The following TRHDE variants were observed in gnomAD, a reference collection of about 807,000 sequenced individuals.
TRHDE encodes the protein thyrotropin releasing hormone degrading enzyme.
TRHDE carries 72 observed loss-of-function variants against 125.7 expected under a neutral mutation model. The ratio of observed to expected loss-of-function variants is 0.57; its 90% CI spans 0.47 to 0.70. The LOEUF is 0.70. Among genes scored for constraint, TRHDE ranks in the 30% least tolerant of loss-of-function variants. The pLI is 0.00. For missense variants in TRHDE, 1,110 were observed against 1,327.1 expected (o/e 0.84, Z 2.54); for synonymous variants, 509 against 509.1 (o/e 1.00, Z 0.00).
At chr12:72,625,816 C>T (rs1873235320) in intron 15 of TRHDE, among the ~76,000 whole-genome samples, 1 of 151,854 alleles carries the variant, frequency 6.6e-6, no homozygotes, top group South Asian at 2.1e-4. Flanking sequence ...GTATGTGGTT[C>T]TGTGGTATAT....
At chr12:72,536,987 A>C (rs113704836) in intron 6 of TRHDE, among the ~76,000 whole-genome samples, 1,995 of 152,068 alleles carry the variant, frequency 0.013, 42 homozygotes, top group African/African-American at 0.046. Context: ...CAGTCATGTA[A>C]ATATTTTGAA....
At chr12:72,233,944 A>C (rs889871180) in intron 2 of TRHDE, among the ~76,000 whole-genome samples, 1 of 152,184 alleles carries the variant, frequency 6.6e-6, no homozygotes, top group Non-Finnish European at 1.5e-5. Flanking sequence ...GAAATGAATA[A>C]TATCCCAAGT....
In TRHDE at chr12:72,669,837, TAA is replaced by T. The variant is rs1366041120; in HGVS notation, c.*6644_*6645del. 6.6e-6 allele frequency: 1 copy of T among 150,950 alleles called. No homozygotes were observed. The highest frequency in any genetic ancestry group is 6.7e-5 in the Admixed American group (1 of 14,894). The allele number at this position is 150,950 out of a possible 1,614,324, so 9.4% of individuals were successfully genotyped here. On this transcript the variant is annotated 3_prime_UTR_variant, in exon 19 of 19. Transcript: ENST00000261180. Reference sequence around the variant, plus strand: ...AATGCTACCTATATATTGCCACATATAAAGATATTTTTCATTTTTCATTTTTC... The same window carrying T: ...AATGCTACCTATATATTGCCACATATAGATATTTTTCATTTTTCATTTTTC...
chr12:72,324,140 G>A (rs1869230602), intron 2 of TRHDE, among the ~76,000 whole-genome samples: 1 of 152,070 alleles, frequency 6.6e-6, no homozygotes, highest in Non-Finnish European at 1.5e-5. Flanking sequence ...ACAAAAGTGA[G>A]TAGTGAGGCT....
chr12:72,341,144 T>TCAAGTTTTTCTTA (rs1870066582), intron 2 of TRHDE, among the ~76,000 whole-genome samples: 1 of 151,982 alleles, frequency 6.6e-6, no homozygotes, highest in Non-Finnish European at 1.5e-5. Flanking sequence ...TTTTTTTTTT[T>TCAAGTTTTTCTTA]TAATTATACT....
At chr12:72,602,887 C>A (rs757335363) in intron 12 of TRHDE, among the ~76,000 whole-genome samples, 3 of 152,180 alleles carry the variant, frequency 2.0e-5, no homozygotes, top group East Asian at 3.8e-4. Context: ...GCAGCAACTA[C>A]TTCTACTGGA....
intron 18 of TRHDE, 117 bp downstream of exon 18, chr12:72,657,125 A>AC (rs1874737702): frequency 4.6e-6 from 3 of 659,320 alleles, no homozygotes; most frequent in Admixed American, 2.6e-5. Context: ...TTACACACGC[A>AC]CACCACACAC....
chr12:72,453,020 TG>T (rs1373040922), intron 3 of TRHDE, among the ~76,000 whole-genome samples: 2 of 152,132 alleles, frequency 1.3e-5, no homozygotes, highest in Non-Finnish European at 2.9e-5. Context: ...TACTAAGCAG[TG>T]GGGCATTGCT....
At chr12:72,207,332 A>G (rs1312298180) in intron 2 of TRHDE, among the ~76,000 whole-genome samples, 1 of 152,192 alleles carries the variant, frequency 6.6e-6, no homozygotes, top group Non-Finnish European at 1.5e-5. Flanking sequence ...ACTTTAGGCA[A>G]ACAAAGAAAG....
At chr12:72,483,118 C>T (rs540363230) in intron 5 of TRHDE, among the ~76,000 whole-genome samples, 1 of 151,846 alleles carries the variant, frequency 6.6e-6, no homozygotes, top group Non-Finnish European at 1.5e-5. Context: ...TAAACATTTA[C>T]TGTATGCCTC....
At chr12:72,134,111 C>T (rs567227221) in intron 2 of TRHDE, among the ~76,000 whole-genome samples, 1 of 152,286 alleles carries the variant, frequency 6.6e-6, no homozygotes, top group African/African-American at 2.4e-5. Context: ...CTGGCACAGG[C>T]TGATCTCTGG....
chr12:72,105,338 T>C (rs1323318445), intron 1 of TRHDE, among the ~76,000 whole-genome samples: 1 of 152,034 alleles, frequency 6.6e-6, no homozygotes, highest in Non-Finnish European at 1.5e-5. Flanking sequence ...GCATTTCAGA[T>C]AAGTGATGCT....
intron 12 of TRHDE, among the ~76,000 whole-genome samples, chr12:72,616,493 A>G (rs1254497393): frequency 6.6e-6 from 1 of 152,082 alleles, no homozygotes; most frequent in African/African-American, 2.4e-5. Flanking sequence ...TTATTTGCCT[A>G]ATTGGACGAG....
chr12:72,368,450 G>A (rs1871432093), intron 2 of TRHDE, among the ~76,000 whole-genome samples: 1 of 152,016 alleles, frequency 6.6e-6, no homozygotes, highest in Non-Finnish European at 1.5e-5. Context: ...AATAATTTGA[G>A]TAATTGCTCA....
intron 2 of TRHDE, among the ~76,000 whole-genome samples, chr12:72,244,159 G>C (rs1330628776): frequency 1.3e-5 from 2 of 152,148 alleles, no homozygotes; most frequent in Admixed American, 6.5e-5. Flanking sequence ...TTGGTGTATA[G>C]ATTTTGGAGA....
At chr12:72,631,531 C>T (rs188912541) in intron 15 of TRHDE, among the ~76,000 whole-genome samples, 9 of 151,832 alleles carry the variant, frequency 5.9e-5, no homozygotes, top group South Asian at 2.1e-4. Context: ...CTGCTTTTCA[C>T]GTAAAAAGAA....
chr12:72,388,958 A>G (rs928590373), intron 3 of TRHDE, among the ~76,000 whole-genome samples: 1 of 151,800 alleles, frequency 6.6e-6, no homozygotes, highest in Non-Finnish European at 1.5e-5. Context: ...ACAAACATCT[A>G]TTGAATATCC....
intron 1 of TRHDE, among the ~76,000 whole-genome samples, chr12:72,285,522 C>CTTT (rs370394091): frequency 1.5e-4 from 20 of 131,398 alleles, no homozygotes; most frequent in East Asian, 8.9e-4. Context: ...TTTTTTTCTT[C>CTTT]TTTTTTTTTT....
chr12:72,287,082 C>A, intron 2 of TRHDE, 128 bp downstream of exon 2: 2 of 1,005,820 alleles, frequency 2.0e-6, no homozygotes, highest in Non-Finnish European at 1.4e-6. Context: ...TTCTTTAATT[C>A]TTATGGGGGG....
Sources: allele counts gnomAD v4.1 joint callset (sites outside exome capture counted in the v4.1 genomes callset), GRCh38; gene constraint gnomAD v4.1.1; transcripts MANE v1.5; gene names NCBI Gene and HGNC (gene_info 2026-07-23, HGNC 2026-07-21).